The following PPP1R1C variants were observed in gnomAD, a reference collection of about 807,000 sequenced individuals.
The protein encoded by PPP1R1C is protein phosphatase 1 regulatory subunit 1C.
PPP1R1C carries 15 observed loss-of-function variants against 17.4 expected under a neutral mutation model. That is an observed-to-expected ratio of 0.86 (90% CI 0.58 to 1.33). The LOEUF is 1.33. PPP1R1C is among the 40% of genes most tolerant of loss of function. The pLI, the probability that PPP1R1C is intolerant of heterozygous loss-of-function variation, is 0.00. For missense variants in PPP1R1C, 143 were observed against 130.0 expected (o/e 1.10, Z -0.48); for synonymous variants, 35 against 43.1 (o/e 0.81, Z 0.73).
chr2:182,073,011 C>T lies in PPP1R1C; in HGVS notation c.241+9220C>T, dbSNP rs186441022. On this transcript the variant is annotated intron_variant, in intron 4 of 4. Coordinates refer to ENST00000682840, the MANE Select transcript of PPP1R1C (RefSeq NM_001080545.3). ...CTTCACTCCTGTCCTGCCTTGCCTC[C>T]GGCCACAGCCTTCTTTTTTCCATGC... 1.6e-3 allele frequency among the ~76,000 whole-genome samples: 250 copies of T among 152,316 alleles called. 1 individual carries two copies. Among genetic ancestry groups the T allele is most frequent in the Non-Finnish European group, 3.0e-3 (204 of 68,034 alleles).
At chr2:182,021,503 T>A (rs988028058) in intron 2 of PPP1R1C, among the ~76,000 whole-genome samples, 5 of 151,966 alleles carry the variant, frequency 3.3e-5, no homozygotes, top group Non-Finnish European at 7.4e-5. Flanking sequence ...AATTTTTGTA[T>A]TTTTAGTAGA....
chr2:182,106,619 A>T (rs928787685), intron 4 of PPP1R1C, among the ~76,000 whole-genome samples: 1 of 152,068 alleles, frequency 6.6e-6, no homozygotes, highest in Non-Finnish European at 1.5e-5. Context: ...ATGTGATCCA[A>T]TTTTTTTCTT....
At chr2:182,080,515 A>G (rs1688443529) in intron 4 of PPP1R1C, among the ~76,000 whole-genome samples, 1 of 152,232 alleles carries the variant, frequency 6.6e-6, no homozygotes, top group East Asian at 1.9e-4. Context: ...ACATTCACCC[A>G]GATAAAAAGC....
At position 182,125,663 on chromosome 2, in the gene PPP1R1C, G is replaced by A. The variant is rs180854339; in HGVS notation, c.*7-3311G>A. 2.1e-3 allele frequency among the ~76,000 whole-genome samples: 314 copies of A among 152,142 alleles called. No individual in the cohort carries two copies. In the South Asian group the frequency reaches 0.032, roughly 15 times the overall value. On this transcript the variant is annotated intron_variant, in intron 5 of 5. Transcript: ENST00000280295. ...TCCTGGAATTTATCCATTTCTTCTA[G>A]ATTTTCTAGTTTATTTGTGTAGAGA...
At chr2:182,098,351 A>G (rs1689004334) in intron 4 of PPP1R1C, among the ~76,000 whole-genome samples, 1 of 152,210 alleles carries the variant, frequency 6.6e-6, no homozygotes, top group Non-Finnish European at 1.5e-5. Flanking sequence ...AAAAATGCTC[A>G]TTAACTTTGG....
At chr2:182,009,237 ATT>A (rs761707953) in intron 2 of PPP1R1C, among the ~76,000 whole-genome samples, 4 of 152,102 alleles carry the variant, frequency 2.6e-5, no homozygotes, top group Non-Finnish European at 4.4e-5. Flanking sequence ...ACAAATTTAC[ATT>A]CCCACCAGCA....
At chr2:182,092,261 T>TA (rs371950082) in intron 4 of PPP1R1C, among the ~76,000 whole-genome samples, 30 of 152,258 alleles carry the variant, frequency 2.0e-4, no homozygotes, top group Middle Eastern at 3.4e-3. Flanking sequence ...CTCCCATTTT[T>TA]AAAACCATAA....
chr2:182,128,530 T>G (rs1313036857), intron 5 of PPP1R1C, among the ~76,000 whole-genome samples: 1 of 152,068 alleles, frequency 6.6e-6, no homozygotes, highest in Non-Finnish European at 1.5e-5. Context: ...AGCAGCAGTA[T>G]TATGAGAATA....
At chr2:182,059,491 A>AG (rs959786907) in intron 2 of PPP1R1C, among the ~76,000 whole-genome samples, 3 of 151,944 alleles carry the variant, frequency 2.0e-5, no homozygotes, top group East Asian at 1.9e-4. Flanking sequence ...TGAGGCCCTG[A>AG]GGGAAAAAAA....
At chr2:182,063,847 C>A in intron 4 of PPP1R1C, 56 bp downstream of exon 4, 2 of 1,337,894 alleles carry the variant, frequency 1.5e-6, no homozygotes, top group South Asian at 1.2e-5. Flanking sequence ...GGCTGGTCGG[C>A]CGTCTGTTCT....
intron 4 of PPP1R1C, among the ~76,000 whole-genome samples, chr2:182,111,757 A>G (rs1689444516): frequency 6.6e-6 from 1 of 151,654 alleles, no homozygotes. Flanking sequence ...TATACATACA[A>G]TTATATAGAA....
intron 2 of PPP1R1C, among the ~76,000 whole-genome samples, chr2:182,027,713 A>T (rs1161627999): frequency 6.6e-6 from 1 of 151,366 alleles, no homozygotes; most frequent in Non-Finnish European, 1.5e-5. Context: ...TATCAGAATG[A>T]TGCTAGCCTC....
chr2:182,085,955 T>C (rs1688616199), intron 4 of PPP1R1C, among the ~76,000 whole-genome samples: 1 of 152,164 alleles, frequency 6.6e-6, no homozygotes, highest in African/African-American at 2.4e-5. Context: ...TAAAAAATTT[T>C]AAATGATATC....
At chr2:182,044,482 A>C (rs557442145) in intron 2 of PPP1R1C, among the ~76,000 whole-genome samples, 2 of 152,078 alleles carry the variant, frequency 1.3e-5, no homozygotes, top group Admixed American at 1.3e-4. Flanking sequence ...ATCTTTTCTC[A>C]TCTCCAGTCT....
intron 1 of PPP1R1C, among the ~76,000 whole-genome samples, chr2:181,955,008 C>T (rs1404018478): frequency 3.3e-5 from 5 of 152,162 alleles, no homozygotes; most frequent in Admixed American, 3.3e-4. Flanking sequence ...CAGTCTCATC[C>T]TAGGTGACCT....
At chr2:182,110,432 A>C (rs1248083555) in intron 4 of PPP1R1C, among the ~76,000 whole-genome samples, 1 of 152,178 alleles carries the variant, frequency 6.6e-6, no homozygotes, top group Non-Finnish European at 1.5e-5. Flanking sequence ...CTCTCCTTGT[A>C]TGCTAGCTCT....
upstream of PPP1R1C, among the ~76,000 whole-genome samples, chr2:181,983,809 A>C (rs921573946): frequency 3.9e-5 from 6 of 152,222 alleles, no homozygotes; most frequent in Non-Finnish European, 8.8e-5. Context: ...AGGTGAGTTT[A>C]AACCCAATGT....
rs368363665 is a variant in PPP1R1C, at chr2:181,998,452, C to T, written c.142+10553C>T. ...GTTAAGATAAGGCACCTGGAGTCTT[C>T]TCATGAATAGCTCATCGATTTCATC... On this transcript the variant is annotated intron_variant, in intron 2 of 4. Transcript: ENST00000682840. Among the ~76,000 whole-genome samples the T allele has an allele frequency of 4.6e-5, 7 of 152,338 alleles. No homozygotes were observed. The East Asian group carries it at 9.6e-4, about 21-fold the overall frequency.
chr2:182,032,702 G>A (rs1181807896), intron 2 of PPP1R1C, among the ~76,000 whole-genome samples: 1 of 152,032 alleles, frequency 6.6e-6, no homozygotes, highest in Non-Finnish European at 1.5e-5. Context: ...GAGCTGCCCT[G>A]GATTATACAA....
Sources: allele counts gnomAD v4.1 joint callset (sites outside exome capture counted in the v4.1 genomes callset), GRCh38; gene constraint gnomAD v4.1.1; transcripts MANE v1.5; gene names NCBI Gene and HGNC (gene_info 2026-07-23, HGNC 2026-07-21).